ARHGAP42: variants seen among roughly 807,000 people sequenced by gnomAD.
The protein encoded by ARHGAP42 is rho GTPase-activating protein 42.
A neutral mutation model predicts 125.0 loss-of-function variants in ARHGAP42; 63 were observed. That is an observed-to-expected ratio of 0.50 (90% confidence interval 0.41 to 0.62). The LOEUF (loss-of-function observed/expected upper bound fraction) is 0.62, where lower values mean the gene tolerates loss of function less well. Among genes scored for constraint, ARHGAP42 ranks in the 20% least tolerant of loss-of-function variants. The pLI, the probability that ARHGAP42 is intolerant of heterozygous loss-of-function variation, is 0.00. For missense variants in ARHGAP42, 766 were observed against 1,024.2 expected, an observed-to-expected ratio of 0.75 and a Z score of 3.44; for synonymous variants, 339 against 351.0, an observed-to-expected ratio of 0.97 and a Z score of 0.38.
intron 4 of ARHGAP42, among the ~76,000 whole-genome samples, chr11:100,910,833 A>G (rs1265455691): frequency 6.6e-6 from 1 of 151,864 alleles, no homozygotes; most frequent in African/African-American, 2.4e-5. Flanking sequence ...TGTTACCTAC[A>G]TCATTGGAAC....
intron 1 of ARHGAP42, among the ~76,000 whole-genome samples, chr11:100,692,916 T>G (rs1450358511): frequency 1.3e-5 from 2 of 152,252 alleles, no homozygotes; most frequent in Non-Finnish European, 2.9e-5. Flanking sequence ...CTAATGCAAC[T>G]TAGCCTTTTT....
chr11:100,846,074 A>G (rs1865059951), intron 3 of ARHGAP42, among the ~76,000 whole-genome samples: 3 of 152,210 alleles, frequency 2.0e-5, no homozygotes, highest in Admixed American at 2.0e-4. Context: ...TAGAGTTTAC[A>G]AAGAAACAAA....
At chr11:100,963,998 T>A (rs1191918622) in intron 16 of ARHGAP42, among the ~76,000 whole-genome samples, 1 of 151,882 alleles carries the variant, frequency 6.6e-6, no homozygotes, top group Non-Finnish European at 1.5e-5. Context: ...ATGATTATAT[T>A]ATTATAATAA....
chr11:100,886,110 A>G (rs148394873), intron 4 of ARHGAP42, among the ~76,000 whole-genome samples: 9 of 152,296 alleles, frequency 5.9e-5, no homozygotes, highest in Non-Finnish European at 1.3e-4. Context: ...TGATTGGATA[A>G]CCTTGGGCAA....
At chr11:100,700,844 C>A (rs750754495) in intron 1 of ARHGAP42, among the ~76,000 whole-genome samples, 3 of 152,168 alleles carry the variant, frequency 2.0e-5, no homozygotes, top group Non-Finnish European at 4.4e-5. Flanking sequence ...TTTTGACCTC[C>A]TGTCATGAAT....
intron 1 of ARHGAP42, among the ~76,000 whole-genome samples, chr11:100,732,397 G>A (rs1053109105): frequency 2.6e-5 from 4 of 152,186 alleles, no homozygotes; most frequent in African/African-American, 9.7e-5. Context: ...TTGATAGTCA[G>A]AAGCTTGTGG....
chr11:100,971,744 G>A (rs993498755), intron 17 of ARHGAP42, among the ~76,000 whole-genome samples: 1 of 151,996 alleles, frequency 6.6e-6, no homozygotes, highest in Non-Finnish European at 1.5e-5. Context: ...TAATTTCAGG[G>A]ATAATATTAT....
chr11:100,761,210 A>G (rs541022558), intron 1 of ARHGAP42, among the ~76,000 whole-genome samples: 5 of 152,278 alleles, frequency 3.3e-5, no homozygotes, highest in African/African-American at 1.2e-4. Context: ...ACCACTTAGG[A>G]GTGGTTTGCG....
chr11:100,877,630 A>G (rs907012273), intron 4 of ARHGAP42, among the ~76,000 whole-genome samples: 6 of 152,222 alleles, frequency 3.9e-5, no homozygotes, highest in African/African-American at 1.2e-4. Context: ...GTTTAAGTCA[A>G]GGAGAACTTG....
At chr11:100,834,772 A>G (rs1467919264) in intron 3 of ARHGAP42, among the ~76,000 whole-genome samples, 3 of 151,212 alleles carry the variant, frequency 2.0e-5, no homozygotes, top group Non-Finnish European at 4.4e-5. Flanking sequence ...ATGGAGGAGG[A>G]TGACTTGAGG....
chr11:100,974,538 T>C lies in ARHGAP42; in HGVS notation c.1790T>C (p.Ile597Thr), dbSNP rs200771033. 25 of 1,551,056 alleles carry C rather than the reference T, an allele frequency of 1.6e-5. No individual in the cohort carries two copies. Among genetic ancestry groups the C allele is most frequent in the Non-Finnish European group, 2.1e-5 (24 of 1,146,714 alleles). The change falls in exon 19 of 24, where the codon ATC becomes ACC. Residue 597 changes from isoleucine to threonine, a missense_variant. Ile to Thr is a moderately conservative substitution (Grantham distance 89). This residue lies in a region of ARHGAP42 where 308 missense variants were observed against 369.7 expected (regional missense o/e 0.83). Transcript: ENST00000298815. ...TCTGGATCCCGAAGGACACGAGCAA[T>C]CTGCCTCTCTACAGGGTCTAGGAAG... ...SRSGSRRTRA[I>T]CLSTGSRKPR...
intron 4 of ARHGAP42, among the ~76,000 whole-genome samples, chr11:100,899,752 T>G (rs1396393797): frequency 1.3e-5 from 2 of 148,824 alleles, no homozygotes; most frequent in African/African-American, 4.9e-5. Context: ...TTGCTCTCTA[T>G]TTGCTTTGTA....
intron 4 of ARHGAP42, among the ~76,000 whole-genome samples, chr11:100,901,747 G>C (rs1048533118): frequency 6.6e-6 from 1 of 152,202 alleles, no homozygotes. Flanking sequence ...CTCCTTGTCT[G>C]CTGGTTGCTA....
intron 1 of ARHGAP42, among the ~76,000 whole-genome samples, chr11:100,763,662 G>C (rs993974680): frequency 2.0e-5 from 3 of 151,742 alleles, no homozygotes; most frequent in Non-Finnish European, 4.4e-5. Flanking sequence ...GCTAATTTTT[G>C]TATTTTCAGT....
At chr11:100,974,044 C>T (rs1390616902) in intron 18 of ARHGAP42, among the ~76,000 whole-genome samples, 1 of 152,172 alleles carries the variant, frequency 6.6e-6, no homozygotes, top group Non-Finnish European at 1.5e-5. Context: ...CAGCTAGCCA[C>T]ACTCCTTGGC....
At position 100,899,730 on chromosome 11, in the gene ARHGAP42, T is replaced by G. The variant is rs1277458036; in HGVS notation, c.385-13722T>G. Among the ~76,000 whole-genome samples, 13 of 97,308 alleles carry G rather than the reference T, an allele frequency of 1.3e-4. 1 individual carries two copies. The highest frequency in any genetic ancestry group is 3.8e-4 in the African/African-American group (7 of 18,514). The allele number at this position is 97,308 out of a possible 152,430, so 63.8% of individuals were successfully genotyped here. ...GTTTTGTTTTGTGTTTTGTTTTTTT[T>G]TTTGTTTTTTTTTGCTCTCTATTTG... On this transcript the variant is annotated intron_variant, in intron 4 of 23. Coordinates refer to ENST00000298815, the MANE Select transcript of ARHGAP42 (RefSeq NM_152432.4).
chr11:100,747,417 T>G (rs577733550), intron 1 of ARHGAP42, among the ~76,000 whole-genome samples: 3 of 152,380 alleles, frequency 2.0e-5, no homozygotes, highest in African/African-American at 7.2e-5. Flanking sequence ...ATCCAATTTT[T>G]AATGTCTGAC....
At chr11:100,725,204 C>T (rs1861833718) in intron 1 of ARHGAP42, among the ~76,000 whole-genome samples, 1 of 150,378 alleles carries the variant, frequency 6.6e-6, no homozygotes, top group Admixed American at 6.6e-5. Flanking sequence ...CAGAGTCTTG[C>T]TCTGTAGCCA....
At chr11:100,751,368 C>T (rs1460825666) in intron 1 of ARHGAP42, among the ~76,000 whole-genome samples, 5 of 151,060 alleles carry the variant, frequency 3.3e-5, no homozygotes, top group Admixed American at 3.3e-4. Context: ...GTGCAGCCTC[C>T]ACCTCCTGGG....
Sources: allele counts gnomAD v4.1 joint callset (sites outside exome capture counted in the v4.1 genomes callset), GRCh38; gene constraint gnomAD v4.1.1; regional missense constraint gnomAD v4.1.1; transcripts MANE v1.5; gene names NCBI Gene and HGNC (gene_info 2026-07-23, HGNC 2026-07-21).